Variants in ZBTB16 observed in about 807,000 individuals in gnomAD.
The protein encoded by ZBTB16 is zinc finger and BTB domain-containing protein 16.
A neutral mutation model predicts 56.8 loss-of-function variants in ZBTB16; 8 were observed. The observed-to-expected ratio is 0.14, with a 90% confidence interval of 0.08 to 0.25. ZBTB16 has a LOEUF of 0.25. Among genes scored for constraint, ZBTB16 ranks in the 10% least tolerant of loss-of-function variants. The pLI is 1.00. For synonymous variants in ZBTB16, 363 were observed against 368.5 expected (o/e 0.98, Z 0.17); for missense variants, 625 against 903.0 (o/e 0.69, Z 3.95).
chr11:114,182,560 G>A (rs1052635721), intron 3 of ZBTB16, among the ~76,000 whole-genome samples: 1 of 152,120 alleles, frequency 6.6e-6, no homozygotes, highest in Non-Finnish European at 1.5e-5. Flanking sequence ...GAAGGATATG[G>A]CAAGTCATGG....
At chr11:114,165,323 T>G (rs578136597) in intron 3 of ZBTB16, among the ~76,000 whole-genome samples, 1 of 152,268 alleles carries the variant, frequency 6.6e-6, no homozygotes, top group African/African-American at 2.4e-5. Flanking sequence ...TCCCTGGATG[T>G]TCCCCCCAAA....
At chr11:114,149,763 G>A (rs1942238516) in intron 2 of ZBTB16, among the ~76,000 whole-genome samples, 1 of 152,110 alleles carries the variant, frequency 6.6e-6, no homozygotes, top group Non-Finnish European at 1.5e-5. Context: ...GGGCAAAAGG[G>A]TAATTTCCCT....
chr11:114,138,091 T>C lies in ZBTB16; in HGVS notation c.1269-18246T>C, dbSNP rs536636409. On this transcript the variant is annotated intron_variant, in intron 2 of 6. Coordinates refer to ENST00000335953, the MANE Select transcript of ZBTB16 (RefSeq NM_006006.6). ...GTTGGCAGCCCCAGCGGCCAGGCTC[T>C]GTTCCCAAGCTGGAGAGAGAGGCAA... Among the ~76,000 whole-genome samples the C allele has an allele frequency of 4.6e-5, 7 of 152,276 alleles. No homozygotes were observed. In the South Asian group the frequency reaches 1.5e-3, roughly 32 times the overall value.
Position 114,119,264 on chromosome 11 carries a change from C to CAAA in ZBTB16, c.1269-37047_1269-37045dup, listed in dbSNP as rs71063549. ...CGGGTGAGAGAGTGAAACTCTGTCT[C>CAAA]AAAAAAAAAAAAAAAAAAAAAAAAA... On this transcript the variant is annotated intron_variant, in intron 2 of 6. Transcript: ENST00000335953. Among the ~76,000 whole-genome samples, 190 of 57,240 alleles carry CAAA rather than the reference C, an allele frequency of 3.3e-3. 4 individuals carry two copies. Among genetic ancestry groups the CAAA allele is most frequent in the African/African-American group, 0.011 (171 of 15,010 alleles). The allele number at this position is 57,240 out of a possible 152,430, so 37.6% of individuals were successfully genotyped here.
intron 2 of ZBTB16, among the ~76,000 whole-genome samples, chr11:114,131,123 G>A (rs1485728078): frequency 6.6e-6 from 1 of 152,192 alleles, no homozygotes; most frequent in African/African-American, 2.4e-5. Context: ...CTTTGATGGT[G>A]GTTCTCAATG....
intron 2 of ZBTB16, among the ~76,000 whole-genome samples, chr11:114,081,407 T>C (rs1939753661): frequency 1.7e-5 from 2 of 120,624 alleles, no homozygotes; most frequent in Admixed American, 7.5e-5. Context: ...AAAATATGTA[T>C]GTTGATATCT....
chr11:114,164,809 G>A (rs902530524), intron 3 of ZBTB16, among the ~76,000 whole-genome samples: 1 of 152,108 alleles, frequency 6.6e-6, no homozygotes, highest in Non-Finnish European at 1.5e-5. Flanking sequence ...TACTTTCAGT[G>A]CTCTTGTCCA....
chr11:114,250,676 A>C lies in ZBTB16; in HGVS notation c.*121A>C. 3.8e-5 allele frequency: 43 copies of C among 1,133,884 alleles called. No homozygotes were observed. Among genetic ancestry groups the C allele is most frequent in the Non-Finnish European group, 4.9e-5 (39 of 798,874 alleles). The allele number at this position is 1,133,884 out of a possible 1,614,324, so 70.2% of individuals were successfully genotyped here. On this transcript the variant is annotated 3_prime_UTR_variant, in exon 7 of 7. Transcript: ENST00000335953. This position sits in a 1 kb window ranked among gnomAD's most constrained non-coding sequence, Gnocchi z 6.0. ...AAAAAAAAAACAGAAGGAAAAGGAA[A>C]CCTGGTAGCTTTTTGGCCTTGGATT...
At chr11:114,089,014 G>A (rs971408500) in intron 2 of ZBTB16, among the ~76,000 whole-genome samples, 2 of 152,192 alleles carry the variant, frequency 1.3e-5, no homozygotes, top group Non-Finnish European at 2.9e-5. Context: ...CTGGGGACGA[G>A]GACTACGAGG....
intron 3 of ZBTB16, among the ~76,000 whole-genome samples, chr11:114,171,574 C>T (rs1468801200): frequency 6.6e-6 from 1 of 152,152 alleles, no homozygotes; most frequent in Non-Finnish European, 1.5e-5. Context: ...TAGCCCCCGG[C>T]CCCCCAAGGT....
At chr11:114,174,297 G>T (rs1450716656) in intron 3 of ZBTB16, among the ~76,000 whole-genome samples, 1 of 149,868 alleles carries the variant, frequency 6.7e-6, no homozygotes, top group Non-Finnish European at 1.5e-5. Flanking sequence ...TTCCCATGCT[G>T]CCATTCTGAC....
chr11:114,074,430 A>C (rs1282209160), intron 2 of ZBTB16, among the ~76,000 whole-genome samples: 1 of 151,894 alleles, frequency 6.6e-6, no homozygotes, highest in Non-Finnish European at 1.5e-5. Flanking sequence ...ATGTGGAGGG[A>C]TTGTTGGAAA....
At chr11:114,167,910 G>A (rs1033321691) in intron 3 of ZBTB16, among the ~76,000 whole-genome samples, 14 of 152,160 alleles carry the variant, frequency 9.2e-5, no homozygotes, top group African/African-American at 3.1e-4. Context: ...ACCGGCGAGC[G>A]TTCCTTTTTC....
chr11:114,200,273 A>T (rs950485512), intron 4 of ZBTB16, among the ~76,000 whole-genome samples: 2 of 152,214 alleles, frequency 1.3e-5, no homozygotes, highest in South Asian at 4.1e-4. Flanking sequence ...ACCAGTAGAC[A>T]AGAATTCCTC....
chr11:114,121,899 C>T (rs1026481848), intron 2 of ZBTB16: 8 of 452,566 alleles, frequency 1.8e-5, no homozygotes, highest in Non-Finnish European at 2.7e-5. Context: ...TGTGAGATGT[C>T]ATGACCCTGT....
chr11:114,240,517 C>T (rs1001929594), intron 4 of ZBTB16, among the ~76,000 whole-genome samples: 1 of 148,908 alleles, frequency 6.7e-6, no homozygotes, highest in African/African-American at 2.5e-5. Context: ...CTGCTTGTGC[C>T]TTCCCACACA....
At chr11:114,170,015 C>G (rs1246766211) in intron 3 of ZBTB16, among the ~76,000 whole-genome samples, 1 of 152,172 alleles carries the variant, frequency 6.6e-6, no homozygotes, top group Non-Finnish European at 1.5e-5. Context: ...ACTTGGGAGT[C>G]CTCCAATCCC....
At chr11:114,098,340 A>C (rs1480031336) in intron 2 of ZBTB16, among the ~76,000 whole-genome samples, 5 of 152,196 alleles carry the variant, frequency 3.3e-5, no homozygotes, top group Non-Finnish European at 4.4e-5. Context: ...TATATATAGT[A>C]CCAGGCGTGT....
intron 3 of ZBTB16, among the ~76,000 whole-genome samples, chr11:114,182,541 C>A (rs760177336): frequency 1.2e-4 from 19 of 152,190 alleles, no homozygotes; most frequent in Admixed American, 4.6e-4. Context: ...AACCAGCCCC[C>A]GTGTGTAGGA....
Sources: gnomAD v4.1 joint callset for allele counts (sites outside exome capture counted in the v4.1 genomes callset) on GRCh38, gnomAD v4.1.1 for gene constraint, Gnocchi (gnomAD v3.1) non-coding constraint, MANE v1.5 for transcripts, NCBI Gene and HGNC (gene_info 2026-07-23, HGNC 2026-07-21) for gene names.